Variants in PRICKLE1 observed in about 807,000 individuals in gnomAD.
PRICKLE1 encodes the protein prickle-like protein 1.
In PRICKLE1, 14 loss-of-function variants were observed where a neutral mutation model predicts 70.2. That is an observed-to-expected ratio of 0.20 (90% CI 0.13 to 0.31). PRICKLE1 has a LOEUF of 0.31. Among genes scored for constraint, PRICKLE1 ranks in the 10% least tolerant of loss-of-function variants. The probability of loss-of-function intolerance (pLI) is 1.00; values close to 1 mark genes in which losing one functional copy is unlikely to be tolerated. For missense variants in PRICKLE1, 821 were observed against 1,026.2 expected (o/e 0.80, Z 2.73); for synonymous variants, 357 against 379.9 (o/e 0.94, Z 0.70).
intron 1 of PRICKLE1, among the ~76,000 whole-genome samples, chr12:42,536,560 T>C (rs1332544496): frequency 1.3e-5 from 2 of 152,144 alleles, no homozygotes; most frequent in Non-Finnish European, 2.9e-5. Context: ...GTTTCCTATA[T>C]TCTTTTGTGT....
At chr12:42,473,418 G>C (rs1305462870) in intron 1 of PRICKLE1, among the ~76,000 whole-genome samples, 1 of 152,130 alleles carries the variant, frequency 6.6e-6, no homozygotes, top group African/African-American at 2.4e-5. Flanking sequence ...TGAATAAAAA[G>C]CCTCCTTGGA....
At chr12:42,539,331 G>C (rs566969526) in intron 1 of PRICKLE1, among the ~76,000 whole-genome samples, 22 of 152,106 alleles carry the variant, frequency 1.4e-4, no homozygotes, top group African/African-American at 3.1e-4. Context: ...AGCCGGGCGT[G>C]GGGGTGGGCG....
intron 1 of PRICKLE1, among the ~76,000 whole-genome samples, chr12:42,518,613 C>T (rs1303845360): frequency 6.6e-6 from 1 of 152,032 alleles, no homozygotes; most frequent in African/African-American, 2.4e-5. Flanking sequence ...TATGTTTGTC[C>T]CCCTTGCATC....
At chr12:42,536,490 G>C (rs28535543) in intron 1 of PRICKLE1, among the ~76,000 whole-genome samples, 1 of 152,166 alleles carries the variant, frequency 6.6e-6, no homozygotes, top group South Asian at 2.1e-4. Context: ...TTGGACATTA[G>C]CTGCCTTCCT....
At chr12:42,499,581 C>G (rs544506139) in intron 1 of PRICKLE1, among the ~76,000 whole-genome samples, 3 of 151,968 alleles carry the variant, frequency 2.0e-5, no homozygotes, top group Admixed American at 6.6e-5. Context: ...CCACCACACC[C>G]GGCTCATTTT....
In PRICKLE1 at chr12:42,465,136, T is replaced by C; in HGVS notation, c.898A>G (p.Ile300Val). The change falls in exon 7 of 8, where the codon ATT becomes GTT. Residue 300 changes from isoleucine to valine, a missense_variant. By Grantham distance (29) the Ile-to-Val change is conservative (BLOSUM62 3). Coordinates refer to ENST00000345127, the MANE Select transcript of PRICKLE1 (RefSeq NM_153026.3). Reference sequence around the variant, plus strand: ...AGACTGCACGTTTTTGAGCAGTAAATCTGACCCTGTTTGGGAAGGAAGGGA... The same window carrying C: ...AGACTGCACGTTTTTGAGCAGTAAACCTGACCCTGTTTGGGAAGGAAGGGA... ...GCPFLPKQGQ[I>V]YCSKTCSLGE... The C allele has an allele frequency of 1.3e-6, 2 of 1,581,792 alleles. No individual in the cohort carries two copies. Among genetic ancestry groups the C allele is most frequent in the Non-Finnish European group, 1.7e-6 (2 of 1,168,578 alleles).
chr12:42,509,056 T>C (rs1236832499), intron 1 of PRICKLE1, among the ~76,000 whole-genome samples: 1 of 152,230 alleles, frequency 6.6e-6, no homozygotes, highest in Non-Finnish European at 1.5e-5. Context: ...AACAATTGCA[T>C]GTGGTTCCTT....
chr12:42,493,708 C>A (rs1294820962), intron 1 of PRICKLE1, among the ~76,000 whole-genome samples: 4 of 151,900 alleles, frequency 2.6e-5, no homozygotes, highest in Admixed American at 2.0e-4. Context: ...TTAAATTTTT[C>A]TCCACTAGGC....
chr12:42,568,293 G>A (rs1592036100), intron 1 of PRICKLE1, among the ~76,000 whole-genome samples: 1 of 151,342 alleles, frequency 6.6e-6, no homozygotes, highest in South Asian at 2.1e-4. Flanking sequence ...TCCCACCTCA[G>A]CCTCCCAAGT....
chr12:42,477,464 A>G lies in PRICKLE1; in HGVS notation c.-48-4900T>C, dbSNP rs185075448. ...TGTGTATATATGTATATACGTATATATGTGTGTGTGTGTGTGTGTATATAT... is the reference window on the plus strand; with the variant it reads ...TGTGTATATATGTATATACGTATATGTGTGTGTGTGTGTGTGTGTATATAT... On this transcript the variant is annotated intron_variant, in intron 1 of 7. Transcript: ENST00000345127. 1.0e-3 allele frequency among the ~76,000 whole-genome samples: 112 copies of G among 107,734 alleles called. 1 individual carries two copies. The highest frequency in any genetic ancestry group is 6.2e-3 in the East Asian group (24 of 3,876). 70.7% of individuals were successfully genotyped at this position (107,734 alleles called of 152,430 possible).
chr12:42,522,231 C>T (rs867423559), intron 1 of PRICKLE1, among the ~76,000 whole-genome samples: 31 of 152,254 alleles, frequency 2.0e-4, no homozygotes, highest in South Asian at 1.2e-3. Flanking sequence ...CCGCCTCAGC[C>T]TCCCAAAGTG....
At chr12:42,559,728 C>A (rs576497300) in intron 1 of PRICKLE1, among the ~76,000 whole-genome samples, 66 of 151,068 alleles carry the variant, frequency 4.4e-4, no homozygotes, top group Non-Finnish European at 5.0e-4. Context: ...CTTCCCAAAG[C>A]ATTGGGATTA....
At chr12:42,551,185 T>C (rs1940309766) in intron 1 of PRICKLE1, among the ~76,000 whole-genome samples, 1 of 152,232 alleles carries the variant, frequency 6.6e-6, no homozygotes, top group Non-Finnish European at 1.5e-5. Flanking sequence ...TATGCACCTA[T>C]GCAACCTTCA....
At chr12:42,542,778 G>T (rs1940139812) in intron 1 of PRICKLE1, among the ~76,000 whole-genome samples, 1 of 152,226 alleles carries the variant, frequency 6.6e-6, no homozygotes, top group Non-Finnish European at 1.5e-5. Flanking sequence ...TTGTCTTACA[G>T]AAGGGCCCAC....
chr12:42,523,624 A>T (rs1435899252), intron 1 of PRICKLE1, among the ~76,000 whole-genome samples: 1 of 152,250 alleles, frequency 6.6e-6, no homozygotes, highest in Non-Finnish European at 1.5e-5. Flanking sequence ...ATGCACAGTT[A>T]CAAATAAGAG....
chr12:42,485,208 TATCTC>T (rs889962284), intron 1 of PRICKLE1: 6 of 151,224 alleles, frequency 4.0e-5, no homozygotes, highest in African/African-American at 1.5e-4. Flanking sequence ...CAAATTCTGT[TATCTC>T]AGCTACAAAG....
intron 1 of PRICKLE1, among the ~76,000 whole-genome samples, chr12:42,560,689 G>C (rs1480249997): frequency 1.3e-5 from 2 of 151,074 alleles, no homozygotes; most frequent in African/African-American, 4.9e-5. Flanking sequence ...TCACAACTAA[G>C]GTTAGACAAG....
At position 42,464,675 on chromosome 12, in the gene PRICKLE1, G is replaced by C. The variant is rs772484365; in HGVS notation, c.1359C>G (p.Thr453=). The C allele has an allele frequency of 1.2e-6, 2 of 1,613,874 alleles. No homozygotes were observed. Among genetic ancestry groups the C allele is most frequent in the South Asian group, 2.2e-5 (2 of 91,070 alleles). Residue 453 remains threonine (T), a synonymous_variant, in exon 7 of 8, where the codon ACC becomes ACG. Transcript: ENST00000345127. The surrounding 1 kb of genome is among the most constrained non-coding windows in gnomAD (Gnocchi z 4.2). ...GGCTCTGGTTATTTTGCTTTAACTC[G>C]GTCTTACTTTTAACCATGTTATCAG... ...WISDNMVKSK[T]ELKQNNQSLA...
intron 1 of PRICKLE1, among the ~76,000 whole-genome samples, chr12:42,559,939 C>A (rs530827160): frequency 6.6e-6 from 1 of 151,878 alleles, no homozygotes; most frequent in East Asian, 1.9e-4. Flanking sequence ...AAATTATAGG[C>A]AAATGAAACA....
Sources: allele counts gnomAD v4.1 joint callset (sites outside exome capture counted in the v4.1 genomes callset), GRCh38; gene constraint gnomAD v4.1.1; non-coding constraint Gnocchi (gnomAD v3.1); transcripts MANE v1.5; gene names NCBI Gene and HGNC (gene_info 2026-07-23, HGNC 2026-07-21).